MECOM: variants seen among roughly 807,000 people sequenced by gnomAD.
MECOM encodes the protein MDS1 and EVI1 complex locus, also known as histone-lysine N-methyltransferase MECOM.
Under a neutral mutation model 116.3 loss-of-function variants are expected in MECOM, and 13 were observed. The ratio of observed to expected loss-of-function variants is 0.11; its 90% CI spans 0.07 to 0.18. MECOM has a LOEUF of 0.18. MECOM is among the 10% of genes least tolerant of loss of function. MECOM has a pLI of 1.00. For missense variants in MECOM, 1,299 were observed against 1,509.0 expected (o/e 0.86, Z 2.31); for synonymous variants, 528 against 535.2 (o/e 0.99, Z 0.19).
At chr3:169,601,663 C>T (rs1455987834) in intron 1 of MECOM, among the ~76,000 whole-genome samples, 1 of 152,200 alleles carries the variant, frequency 6.6e-6, no homozygotes, top group Non-Finnish European at 1.5e-5. Context: ...CCCCTATTCA[C>T]AGAACAACCT....
chr3:169,493,788 A>G (rs1216458026), intron 1 of MECOM, among the ~76,000 whole-genome samples: 3 of 152,142 alleles, frequency 2.0e-5, no homozygotes, highest in African/African-American at 7.2e-5. Context: ...ATGAAGATTC[A>G]ACTTAAGCTG....
chr3:169,558,540 A>C (rs992956318), intron 1 of MECOM, among the ~76,000 whole-genome samples: 1 of 152,188 alleles, frequency 6.6e-6, no homozygotes, highest in African/African-American at 2.4e-5. Flanking sequence ...TGGTTCTGGA[A>C]ATAATTGGCA....
chr3:169,195,078 C>T (rs1748241988), intron 2 of MECOM, among the ~76,000 whole-genome samples: 2 of 152,180 alleles, frequency 1.3e-5, no homozygotes, highest in Middle Eastern at 3.4e-3. Context: ...AACAGTCATA[C>T]CTGCTCTATT....
intron 2 of MECOM, among the ~76,000 whole-genome samples, chr3:169,333,250 G>C (rs1723044373): frequency 6.6e-6 from 1 of 152,092 alleles, no homozygotes; most frequent in South Asian, 2.1e-4. Context: ...GGGTGTGGAG[G>C]GACAAGAGAT....
At chr3:169,628,386 G>A (rs1771644552) in intron 1 of MECOM, among the ~76,000 whole-genome samples, 1 of 152,198 alleles carries the variant, frequency 6.6e-6, no homozygotes, top group African/African-American at 2.4e-5. Context: ...TTAATTTTTA[G>A]TGCACATTGT....
intron 1 of MECOM, among the ~76,000 whole-genome samples, chr3:169,515,545 A>G (rs942255327): frequency 3.3e-5 from 5 of 152,136 alleles, no homozygotes; most frequent in South Asian, 4.1e-4. Context: ...TCACCATACC[A>G]TACTACCTCC....
intron 4 of MECOM, among the ~76,000 whole-genome samples, chr3:169,130,931 T>A (rs1030822631): frequency 2.0e-5 from 3 of 152,130 alleles, no homozygotes; most frequent in Admixed American, 2.0e-4. Context: ...AAATAAAAAG[T>A]CCTCTGCCTC....
intron 1 of MECOM, chr3:169,483,681 T>C: frequency 6.4e-7 from 1 of 1,561,824 alleles, no homozygotes; most frequent in South Asian, 1.1e-5. Context: ...TTAATCCTCG[T>C]CTTCCTCCTC....
At chr3:169,257,810 A>G (rs1004647375) in intron 2 of MECOM, among the ~76,000 whole-genome samples, 15 of 152,224 alleles carry the variant, frequency 9.9e-5, no homozygotes, top group Admixed American at 7.2e-4. Flanking sequence ...GTGTGGATAA[A>G]TGCTTCCACT....
chr3:169,601,521 T>C (rs964858449), intron 1 of MECOM, among the ~76,000 whole-genome samples: 1 of 152,174 alleles, frequency 6.6e-6, no homozygotes, highest in South Asian at 2.1e-4. Flanking sequence ...TCCAGAAGGA[T>C]GGTCCTGCGC....
At chr3:169,618,554 G>A (rs1770301607) in intron 1 of MECOM, among the ~76,000 whole-genome samples, 1 of 152,080 alleles carries the variant, frequency 6.6e-6, no homozygotes, top group Non-Finnish European at 1.5e-5. Context: ...CTACTCAGGA[G>A]CCTGAGGCAG....
At chr3:169,215,679 C>A (rs1751338764) in intron 2 of MECOM, among the ~76,000 whole-genome samples, 1 of 152,180 alleles carries the variant, frequency 6.6e-6, no homozygotes, top group African/African-American at 2.4e-5. Context: ...CCTTCCAGAA[C>A]CATTTTATTA....
At position 169,472,842 on chromosome 3, in the gene MECOM, G is replaced by A. The variant is rs1033273587; in HGVS notation, c.38-91318C>T. On this transcript the variant is annotated intron_variant, in intron 1 of 16. Coordinates refer to ENST00000651503, the MANE Select transcript of MECOM (RefSeq NM_004991.4). ...GAAAATCCTAATCATGTGTTTAACC[G>A]ACATAAAGTTCAAAGACAAGGTCTT... 8 of 297,050 alleles carry A rather than the reference G, an allele frequency of 2.7e-5. 1 individual carries two copies. Among genetic ancestry groups the A allele is most frequent in the South Asian group, 1.3e-4 (1 of 7,552 alleles). The allele number at this position is 297,050 out of a possible 1,614,324, so 18.4% of individuals were successfully genotyped here.
At chr3:169,592,777 C>G (rs1282530486) in intron 1 of MECOM, among the ~76,000 whole-genome samples, 2 of 152,132 alleles carry the variant, frequency 1.3e-5, no homozygotes, top group Non-Finnish European at 2.9e-5. Context: ...TAAAGCCAAA[C>G]AGCTGCCAGC....
chr3:169,546,855 G>A (rs1760782997), intron 1 of MECOM, among the ~76,000 whole-genome samples: 1 of 152,146 alleles, frequency 6.6e-6, no homozygotes, highest in Admixed American at 6.5e-5. Flanking sequence ...AAATCCAAAG[G>A]GGGTTCCTAG....
chr3:169,207,750 G>C (rs2149465294), intron 2 of MECOM, among the ~76,000 whole-genome samples: 1 of 152,186 alleles, frequency 6.6e-6, no homozygotes, highest in Admixed American at 6.5e-5. Context: ...AAAAATTTTA[G>C]GTAATGTCTC....
At chr3:169,222,783 A>G (rs1438983645) in intron 2 of MECOM, among the ~76,000 whole-genome samples, 1 of 152,240 alleles carries the variant, frequency 6.6e-6, no homozygotes, top group Admixed American at 6.5e-5. Flanking sequence ...TCTTCTGGTC[A>G]TTTATCTCCA....
chr3:169,636,380 C>A (rs1408966851), intron 1 of MECOM, among the ~76,000 whole-genome samples: 3 of 152,116 alleles, frequency 2.0e-5, no homozygotes, highest in Non-Finnish European at 2.9e-5. Context: ...CTAGAAACTA[C>A]CACTCTTTTC....
intron 1 of MECOM, among the ~76,000 whole-genome samples, chr3:169,543,472 G>A (rs1760350183): frequency 6.6e-6 from 1 of 152,112 alleles, no homozygotes. Context: ...CTACTTGGGA[G>A]GCTGAAACCC....
Sources: allele counts gnomAD v4.1 joint callset (sites outside exome capture counted in the v4.1 genomes callset), GRCh38; gene constraint gnomAD v4.1.1; transcripts MANE v1.5; gene names NCBI Gene and HGNC (gene_info 2026-07-23, HGNC 2026-07-21).